The following DENND3 variants were observed in gnomAD, a reference collection of about 807,000 sequenced individuals.
DENND3 encodes DENN domain-containing protein 3.
A neutral mutation model predicts 135.1 loss-of-function variants in DENND3; 88 were observed. That is an observed-to-expected ratio of 0.65 (90% CI 0.55 to 0.78). The LOEUF is 0.78. Among genes scored for constraint, DENND3 ranks in the 30% least tolerant of loss-of-function variants. The pLI is 0.00. For synonymous variants in DENND3, 693 were observed against 712.3 expected (o/e 0.97, Z 0.43); for missense variants, 1,392 against 1,688.4 (o/e 0.82, Z 3.08).
chr8:141,157,310 G>A lies in DENND3; in HGVS notation c.1196+1340G>A, dbSNP rs1247950290. On this transcript the variant is annotated intron_variant, in intron 8 of 22. Transcript: ENST00000519811. ...TTGCTAATTACGTCAGGACGGAGGT[G>A]TTGGGTGTGCCCCAAGCAGTGACTC... 4.1e-6 allele frequency: 4 copies of A among 985,354 alleles called. No individual in the cohort carries two copies. The African/African-American group carries it at 7.0e-5, about 17-fold the overall frequency. The allele number at this position is 985,354 out of a possible 1,614,324, so 61.0% of individuals were successfully genotyped here. A position where few individuals can be genotyped will look rare whatever the true frequency, so the allele number is the denominator to read the frequency against.
chr8:141,173,446 C>G (rs1272162141), intron 13 of DENND3: 1 of 152,236 alleles, frequency 6.6e-6, no homozygotes. Flanking sequence ...TCAGCTCACC[C>G]CTGCAGGGCC....
rs1474519182 is a variant in DENND3, at chr8:141,138,050, G to A, written c.414G>A (p.Lys138=). 3 of 1,607,844 alleles carry A rather than the reference G, an allele frequency of 1.9e-6. No individual in the cohort carries two copies. Among genetic ancestry groups the A allele is most frequent in the Non-Finnish European group, 2.5e-6 (3 of 1,176,904 alleles). The change falls in exon 3 of 23, where the codon AAG becomes AAA. Residue 138 remains lysine (K), a synonymous_variant. Transcript: ENST00000519811. The surrounding 1 kb of genome is among the most constrained non-coding windows in gnomAD (Gnocchi z 4.8). ...PGGVCVATEP[K]EDCVHFLVLT... ...GTGTGTGCGTGGCCACTGAACCTAA[G>A]GAGGATTGCGTCCACTTCCTGGTGC...
At chr8:141,143,598 G>A (rs1028531393) in intron 4 of DENND3, among the ~76,000 whole-genome samples, 5 of 152,044 alleles carry the variant, frequency 3.3e-5, no homozygotes, top group Non-Finnish European at 7.4e-5. Context: ...AGAGACGGGG[G>A]TCTCACTATC....
At position 141,145,824 on chromosome 8, in the gene DENND3, TATATATATATATATATA is replaced by T. The variant is rs1817983669; in HGVS notation, c.735+1566_735+1582del. On this transcript the variant is annotated intron_variant, in intron 5 of 22. Coordinates refer to ENST00000519811, the MANE Select transcript of DENND3 (RefSeq NM_001352890.3). Reference sequence around the variant, plus strand: ...AATATTATATATATATATATATATATATATATATATATATATATATATATATGTATTTTTTTTTTTTT... The same window carrying T: ...AATATTATATATATATATATATATATTATATATATGTATTTTTTTTTTTTT... Among the ~76,000 whole-genome samples, 92 of 40,366 alleles carry T rather than the reference TATATATATATATATATA, an allele frequency of 2.3e-3. 6 individuals carry two copies. The highest frequency in any genetic ancestry group is 8.6e-3 in the African/African-American group (89 of 10,330). The allele number at this position is 40,366 out of a possible 152,430, so 26.5% of individuals were successfully genotyped here. A position where few individuals can be genotyped will look rare whatever the true frequency, so the allele number is the denominator to read the frequency against.
At position 141,128,791 on chromosome 8, in the gene DENND3, T is replaced by C. The variant is rs1815499469; in HGVS notation, c.84T>C (p.Ser28=). 9 of 1,444,548 alleles carry C rather than the reference T, an allele frequency of 6.2e-6. No homozygotes were observed. The highest frequency in any genetic ancestry group is 7.3e-6 in the Non-Finnish European group (8 of 1,096,406). The allele number at this position is 1,444,548 out of a possible 1,614,324, so 89.5% of individuals were successfully genotyped here. Residue 28 remains serine (S), a synonymous_variant, in exon 1 of 23, where the codon AGT becomes AGC. Coordinates refer to ENST00000519811, the MANE Select transcript of DENND3 (RefSeq NM_001352890.3). The surrounding 1 kb of genome is among the most constrained non-coding windows in gnomAD (Gnocchi z 4.5). ...CGCTGCTGGGCGCCCCCCGGGACAG[T>C]CTCCGAAGTCTCGAGCAGGTGAGGG... is the stretch of plus-strand genomic sequence containing the variant. The part of the protein sequence containing the change: ...LCALLGAPRD[S]LRSLEQVAYK...
intron 17 of DENND3, among the ~76,000 whole-genome samples, chr8:141,181,775 A>ATTT (rs1360511632): frequency 2.6e-5 from 4 of 151,698 alleles, no homozygotes; most frequent in African/African-American, 9.7e-5. Context: ...TTTTTTGTGT[A>ATTT]TTTTTTATTT....
In DENND3 at chr8:141,139,053, A is replaced by C. The variant is rs1817137811; in HGVS notation, c.501+916A>C. 6.6e-6 allele frequency among the ~76,000 whole-genome samples: 1 copy of C among 152,132 alleles called. No individual in the cohort carries two copies. The highest frequency in any genetic ancestry group is 2.4e-5 in the African/African-American group (1 of 41,416). On this transcript the variant is annotated intron_variant, in intron 3 of 22. Coordinates refer to ENST00000519811, the MANE Select transcript of DENND3 (RefSeq NM_001352890.3). The surrounding 1 kb of genome is among the most constrained non-coding windows in gnomAD (Gnocchi z 4.2). Reference sequence around the variant, plus strand: ...GGCCTTTGGGGAACTCGTAGGGGAAACGATGTATCCAAAGGTGCAGGGTGA... The same window carrying C: ...GGCCTTTGGGGAACTCGTAGGGGAACCGATGTATCCAAAGGTGCAGGGTGA...
chr8:141,172,916 T>G (rs1025831919), intron 13 of DENND3, among the ~76,000 whole-genome samples: 2 of 138,552 alleles, frequency 1.4e-5, no homozygotes. Flanking sequence ...GTCTCTAAAT[T>G]TAAAAAAAAA....
At chr8:141,164,855 G>A (rs1032306421) in intron 10 of DENND3, among the ~76,000 whole-genome samples, 16 of 152,174 alleles carry the variant, frequency 1.1e-4, no homozygotes, top group African/African-American at 2.9e-4. Flanking sequence ...CTTTTTTATC[G>A]AGTTTCCTCA....
rs549938283 is a variant in DENND3 at position 141,168,921 on chromosome 8, C to A, written c.2275+396C>A. ...TCTCCCAGGTTGGAGTACAATGGCA[C>A]GATCTTGGCTCACTGCAACCTCTGC... On this transcript the variant is annotated intron_variant, in intron 13 of 22. Transcript: ENST00000519811. The surrounding 1 kb of genome is among the most constrained non-coding windows in gnomAD (Gnocchi z 6.2). Among the ~76,000 whole-genome samples, 191 of 152,276 alleles carry A rather than the reference C, an allele frequency of 1.3e-3. 1 individual carries two copies. Among genetic ancestry groups the A allele is most frequent in the African/African-American group, 4.4e-3 (182 of 41,548 alleles).
rs1208045149 is a variant in DENND3, at chr8:141,166,688, T to C, written c.1753+299T>C. Among the ~76,000 whole-genome samples the C allele has an allele frequency of 1.3e-5, 2 of 152,206 alleles. No homozygotes were observed. Among genetic ancestry groups the C allele is most frequent in the Non-Finnish European group, 2.9e-5 (2 of 68,034 alleles). ...TCTGTATGTGTGGATTGCATGTGTA[T>C]AAATACATATTTACACATCCACACG... is the stretch of plus-strand genomic sequence containing the variant. On this transcript the variant is annotated intron_variant, in intron 12 of 22. Coordinates refer to ENST00000519811, the MANE Select transcript of DENND3 (RefSeq NM_001352890.3). This position sits in a 1 kb window ranked among gnomAD's most constrained non-coding sequence, Gnocchi z 4.3.
chr8:141,147,002 G>C (rs918945988), intron 5 of DENND3, among the ~76,000 whole-genome samples: 1 of 152,156 alleles, frequency 6.6e-6, no homozygotes, highest in Non-Finnish European at 1.5e-5. Context: ...TAAGGAATGC[G>C]TGCGTAGCAC....
intron 5 of DENND3, among the ~76,000 whole-genome samples, chr8:141,149,541 T>C (rs113629405): frequency 3.8e-4 from 58 of 152,252 alleles, no homozygotes; most frequent in Non-Finnish European, 1.5e-4. Flanking sequence ...TACCTGCTTA[T>C]TGCAGTTCAG....
chr8:141,134,642 C>T (rs989787830), intron 1 of DENND3, among the ~76,000 whole-genome samples: 11 of 152,180 alleles, frequency 7.2e-5, no homozygotes, highest in Middle Eastern at 3.4e-3. Flanking sequence ...AATTGTTGAC[C>T]GAATTTGAGT....
intron 1 of DENND3, among the ~76,000 whole-genome samples, chr8:141,133,750 G>A (rs1816439728): frequency 6.6e-6 from 1 of 152,198 alleles, no homozygotes; most frequent in South Asian, 2.1e-4. Context: ...TACCAGCTCT[G>A]AAGACCCGAA....
rs755889910 is a variant in DENND3, at chr8:141,160,615, G to A, written c.1197-17G>A. The A allele has an allele frequency of 4.4e-6, 7 of 1,583,748 alleles. No individual in the cohort carries two copies. The highest frequency in any genetic ancestry group is 4.5e-5 in the East Asian group (2 of 44,206). ...GTGCTGCTGGGGCTGAGCTAGCTTC[G>A]GTCTGCCTCCTTCCAGGGTGCAGAG... On this transcript the variant is annotated splice_polypyrimidine_tract_variant and intron_variant, in intron 8 of 22. Coordinates refer to ENST00000519811, the MANE Select transcript of DENND3 (RefSeq NM_001352890.3).
chr8:141,178,666 G>A (rs892134781), intron 16 of DENND3, among the ~76,000 whole-genome samples: 2 of 152,172 alleles, frequency 1.3e-5, no homozygotes, highest in African/African-American at 2.4e-5. Flanking sequence ...GGGCTTCACC[G>A]CTGCATGAGT....
At chr8:141,193,072 G>C in intron 22 of DENND3, 1 of 369,024 alleles carries the variant, frequency 2.7e-6, no homozygotes, top group Non-Finnish European at 5.0e-6. Flanking sequence ...TGTGGACGTG[G>C]CACTCTAACC....
At chr8:141,164,514 G>A (rs1258700254) in intron 10 of DENND3, among the ~76,000 whole-genome samples, 1 of 152,192 alleles carries the variant, frequency 6.6e-6, no homozygotes, top group East Asian at 1.9e-4. Flanking sequence ...AATGGCTGAG[G>A]GGTCAGCCAG....
Sources: allele counts gnomAD v4.1 joint callset (sites outside exome capture counted in the v4.1 genomes callset), GRCh38; gene constraint gnomAD v4.1.1; non-coding constraint Gnocchi (gnomAD v3.1); transcripts MANE v1.5; gene names NCBI Gene and HGNC (gene_info 2026-07-23, HGNC 2026-07-21).